Variants in CPED1 observed in about 807,000 individuals in gnomAD.
CPED1 encodes the protein cadherin like and PC-esterase domain containing 1.
In CPED1, 114 loss-of-function variants were observed where a neutral mutation model predicts 128.2. That is an observed-to-expected ratio of 0.89 (90% CI 0.76 to 1.04). The LOEUF (loss-of-function observed/expected upper bound fraction) is 1.04. CPED1 is among the 50% of genes least tolerant of loss of function. CPED1 has a pLI of 0.00. For missense variants in CPED1, 1,211 were observed against 1,207.1 expected, an observed-to-expected ratio of 1.00 and a Z score of -0.05; for synonymous variants, 462 against 426.7, an observed-to-expected ratio of 1.08 and a Z score of -1.02.
intron 7 of CPED1, among the ~76,000 whole-genome samples, chr7:121,114,875 C>T (rs1254271353): frequency 6.6e-6 from 1 of 152,336 alleles, no homozygotes; most frequent in South Asian, 2.1e-4. Flanking sequence ...AAAGGTACTT[C>T]TACTGTTTAC....
At chr7:121,248,704 A>G (rs1798598676) in intron 18 of CPED1, among the ~76,000 whole-genome samples, 1 of 151,946 alleles carries the variant, frequency 6.6e-6, no homozygotes, top group Admixed American at 6.5e-5. Flanking sequence ...AACTCACACC[A>G]CATTTAAAGG....
intron 4 of CPED1, among the ~76,000 whole-genome samples, chr7:121,057,362 T>C (rs983490512): frequency 1.3e-5 from 2 of 152,178 alleles, no homozygotes; most frequent in African/African-American, 4.8e-5. Flanking sequence ...TGTATAATGC[T>C]GAGGTTTGGG....
chr7:121,107,691 G>A (rs1392375523), intron 7 of CPED1, among the ~76,000 whole-genome samples: 1 of 152,110 alleles, frequency 6.6e-6, no homozygotes, highest in African/African-American at 2.4e-5. Flanking sequence ...ACTCAGTGGG[G>A]AAGTTAAATG....
At chr7:121,051,724 T>C (rs1330837084) in intron 4 of CPED1, 5 of 257,036 alleles carry the variant, frequency 1.9e-5, no homozygotes. Flanking sequence ...CCTAATAACG[T>C]TGTTATGCTG....
At chr7:121,241,347 C>CAAAAAAAAAAA (rs1030223751) in intron 17 of CPED1, among the ~76,000 whole-genome samples, 6 of 5,554 alleles carry the variant, frequency 1.1e-3, no homozygotes, top group Admixed American at 5.8e-3. Flanking sequence ...GACTCCGTCT[C>CAAAAAAAAAAA]AAAAAAAAAA....
intron 22 of CPED1, among the ~76,000 whole-genome samples, chr7:121,290,103 A>G (rs941547870): frequency 6.6e-6 from 1 of 152,168 alleles, no homozygotes; most frequent in Non-Finnish European, 1.5e-5. Context: ...GATGGTTGCC[A>G]GCTTCATCCA....
chr7:121,002,834 G>T (rs1425351310), intron 2 of CPED1, among the ~76,000 whole-genome samples: 1 of 152,090 alleles, frequency 6.6e-6, no homozygotes, highest in African/African-American at 2.4e-5. Context: ...TTAAAAGGAA[G>T]CCCCTTTTCT....
chr7:121,141,967 C>G lies in CPED1; in HGVS notation c.1887-6C>G, dbSNP rs913163829. On this transcript the variant is annotated splice_region_variant and splice_polypyrimidine_tract_variant and intron_variant, in intron 15 of 22. Transcript: ENST00000310396. ...ATTCTATTTCTCTCTCCCTCTTTCT[C>G]TCCAGCTTTGCCAGCTACCCTCTGG... is the stretch of plus-strand genomic sequence containing the variant. The G allele has an allele frequency of 2.5e-6, 4 of 1,610,524 alleles. No individual in the cohort carries two copies. Among genetic ancestry groups the G allele is most frequent in the Admixed American group, 1.7e-5 (1 of 59,810 alleles).
At chr7:120,993,920 C>G in intron 2 of CPED1, 1 of 297,644 alleles carries the variant, frequency 3.4e-6, no homozygotes. Context: ...TTTGGCTTCT[C>G]AGGGCAGCCA....
At chr7:121,201,399 T>G (rs1211808883) in intron 16 of CPED1, among the ~76,000 whole-genome samples, 1 of 150,770 alleles carries the variant, frequency 6.6e-6, no homozygotes, top group Non-Finnish European at 1.5e-5. Flanking sequence ...GCCACTGCAC[T>G]CCAGCCTGGG....
intron 16 of CPED1, among the ~76,000 whole-genome samples, chr7:121,215,580 G>A (rs535772081): frequency 6.6e-6 from 1 of 152,200 alleles, no homozygotes; most frequent in Non-Finnish European, 1.5e-5. Flanking sequence ...GGTTGTTGAT[G>A]TAGCAAGGGT....
chr7:121,026,053 G>A (rs1792572154), intron 3 of CPED1, among the ~76,000 whole-genome samples: 1 of 152,070 alleles, frequency 6.6e-6, no homozygotes, highest in South Asian at 2.1e-4. Context: ...CCCCGTCCCC[G>A]TTAGGAGATC....
intron 6 of CPED1, among the ~76,000 whole-genome samples, chr7:121,098,919 A>G (rs1343384279): frequency 2.0e-5 from 3 of 150,204 alleles, no homozygotes; most frequent in Non-Finnish European, 4.4e-5. Flanking sequence ...AGAAAAGCAA[A>G]TAATTATACA....
chr7:121,263,240 T>C (rs1792055491), intron 18 of CPED1, among the ~76,000 whole-genome samples: 1 of 151,992 alleles, frequency 6.6e-6, no homozygotes, highest in African/African-American at 2.4e-5. Context: ...CAGTCCTCCA[T>C]ACAGAACTTT....
chr7:121,212,142 C>T (rs953952413), intron 16 of CPED1, among the ~76,000 whole-genome samples: 1 of 151,982 alleles, frequency 6.6e-6, no homozygotes, highest in Non-Finnish European at 1.5e-5. Flanking sequence ...ACCGATATGG[C>T]TGTGTTGGGT....
chr7:121,000,536 G>A (rs949175582), intron 2 of CPED1, among the ~76,000 whole-genome samples: 1 of 152,116 alleles, frequency 6.6e-6, no homozygotes, highest in African/African-American at 2.4e-5. Context: ...ATTTGGCAGT[G>A]CAGAATGGGC....
chr7:121,088,763 C>CAAAAAA lies in CPED1; in HGVS notation c.617-8912_617-8907dup, dbSNP rs71170226. On this transcript the variant is annotated intron_variant, in intron 5 of 22. Coordinates refer to ENST00000310396, the MANE Select transcript of CPED1 (RefSeq NM_024913.5). Reference sequence around the variant, plus strand: ...AAGTTAAAATCTAGGCAAAAATTGGCAAAAAAAAAAAAAAAAAAAAAAAAA... The same window carrying CAAAAAA: ...AAGTTAAAATCTAGGCAAAAATTGGCAAAAAAAAAAAAAAAAAAAAAAAAAAAAAAA... Among the ~76,000 whole-genome samples the CAAAAAA allele has an allele frequency of 1.0e-3, 54 of 53,808 alleles. 2 individuals carry two copies. Among genetic ancestry groups the CAAAAAA allele is most frequent in the African/African-American group, 2.0e-3 (31 of 15,874 alleles). 35.3% of individuals were successfully genotyped at this position (53,808 alleles called of 152,430 possible).
intron 5 of CPED1, among the ~76,000 whole-genome samples, chr7:121,082,437 TAA>T (rs1388808541): frequency 6.6e-6 from 1 of 152,140 alleles, no homozygotes; most frequent in African/African-American, 2.4e-5. Flanking sequence ...TAAGTACAAT[TAA>T]GAGGTTGAGT....
chr7:121,210,584 C>A (rs1234430295), intron 16 of CPED1, among the ~76,000 whole-genome samples: 2 of 151,952 alleles, frequency 1.3e-5, no homozygotes, highest in Non-Finnish European at 2.9e-5. Context: ...TGTTATCACT[C>A]ATTTGCAGGA....
Sources: gnomAD v4.1 joint callset for allele counts (sites outside exome capture counted in the v4.1 genomes callset) on GRCh38, gnomAD v4.1.1 for gene constraint, MANE v1.5 for transcripts, NCBI Gene and HGNC (gene_info 2026-07-23, HGNC 2026-07-21) for gene names.